The following BRD4 variants were observed in gnomAD, a reference collection of about 807,000 sequenced individuals.
BRD4 encodes bromodomain-containing protein 4.
In BRD4, 16 loss-of-function variants were observed where a neutral mutation model predicts 142.1. That is an observed-to-expected ratio of 0.11 (90% CI 0.08 to 0.17). BRD4 has a LOEUF of 0.17. Ranked by LOEUF, BRD4 falls within the 10% of genes least tolerant of loss-of-function variation. The probability of loss-of-function intolerance (pLI) is 1.00; values close to 1 mark genes in which losing one functional copy is unlikely to be tolerated. For missense variants in BRD4, 1,424 were observed against 1,810.9 expected (o/e 0.79, Z 3.88); for synonymous variants, 833 against 707.5 (o/e 1.18, Z -2.82).
intron 1 of BRD4, among the ~76,000 whole-genome samples, chr19:15,279,085 C>T (rs2047680629): frequency 6.6e-6 from 1 of 152,092 alleles, no homozygotes; most frequent in African/African-American, 2.4e-5. Flanking sequence ...AGATGATCCG[C>T]CCACTTCGGC....
intron 14 of BRD4, 126 bp from the exon 15 acceptor site, chr19:15,240,148 G>A (rs2047227498): frequency 5.8e-6 from 8 of 1,383,674 alleles, no homozygotes; most frequent in Non-Finnish European, 7.7e-6. Context: ...CCTGGGACAA[G>A]GGTCCATTAG....
chr19:15,285,979 T>G (rs565894315), intron 1 of BRD4, among the ~76,000 whole-genome samples: 1 of 152,204 alleles, frequency 6.6e-6, no homozygotes, highest in South Asian at 2.1e-4. Context: ...CCACTGGCCT[T>G]CCCTAGCTCC....
intron 13 of BRD4, among the ~76,000 whole-genome samples, chr19:15,243,913 G>A (rs2047261404): frequency 6.6e-6 from 1 of 152,250 alleles, no homozygotes; most frequent in Admixed American, 6.5e-5. Context: ...GCTGCAGAGG[G>A]GTCCCAGCTT....
rs762817978 is a variant in BRD4 at position 15,237,017 on chromosome 19, T to TAAAAAAAAA, written c.*1351_*1359dup. 6 of 111,358 alleles carry TAAAAAAAAA rather than the reference T, an allele frequency of 5.4e-5. No individual in the cohort carries two copies. Among genetic ancestry groups the TAAAAAAAAA allele is most frequent in the African/African-American group, 1.7e-4 (4 of 23,046 alleles). 6.9% of individuals were successfully genotyped at this position (111,358 alleles called of 1,614,324 possible). A position where few individuals can be genotyped will look rare whatever the true frequency, so the allele number is the denominator to read the frequency against. Reference sequence around the variant, plus strand: ...CACCAGGGGCTCCAATTATAAAAATTAAAAAAAAAAAAAAAAAAAAGCATG... The same window carrying TAAAAAAAAA: ...CACCAGGGGCTCCAATTATAAAAATTAAAAAAAAAAAAAAAAAAAAAAAAAAAAAGCATG... On this transcript the variant is annotated 3_prime_UTR_variant, in exon 20 of 20. Transcript: ENST00000679869.
At chr19:15,267,344 C>A in intron 4 of BRD4, 72 bp downstream of exon 4, 1 of 1,563,586 alleles carries the variant, frequency 6.4e-7, no homozygotes. Flanking sequence ...CCACTCCCAG[C>A]CCCCCACCAA....
intron 1 of BRD4, among the ~76,000 whole-genome samples, chr19:15,275,437 A>G (rs1347610875): frequency 1.3e-5 from 2 of 152,176 alleles, no homozygotes; most frequent in Non-Finnish European, 2.9e-5. Flanking sequence ...AGAGTGGCCC[A>G]AAACCTGGCA....
intron 1 of BRD4, among the ~76,000 whole-genome samples, chr19:15,273,689 G>A (rs1173773559): frequency 2.0e-5 from 3 of 152,174 alleles, no homozygotes; most frequent in African/African-American, 7.2e-5. Context: ...CAAGTGCTCA[G>A]GGCAAAGCCA....
At chr19:15,242,329 A>G (rs1318555841) in intron 14 of BRD4, among the ~76,000 whole-genome samples, 1 of 152,180 alleles carries the variant, frequency 6.6e-6, no homozygotes, top group Non-Finnish European at 1.5e-5. Flanking sequence ...CTGACACTTA[A>G]GCGCCCAGGA....
intron 1 of BRD4, among the ~76,000 whole-genome samples, chr19:15,317,165 G>A (rs543942310): frequency 6.6e-6 from 1 of 152,338 alleles, no homozygotes; most frequent in East Asian, 1.9e-4. Context: ...CCCTGCCCAA[G>A]TGACAGCTCT....
chr19:15,282,838 GAC>G (rs967210843), intron 1 of BRD4, among the ~76,000 whole-genome samples: 3 of 152,130 alleles, frequency 2.0e-5, no homozygotes, highest in African/African-American at 4.8e-5. Flanking sequence ...TGGAAGTGCT[GAC>G]ACACACAGTC....
chr19:15,330,807 T>C (rs1029661111), intron 1 of BRD4, among the ~76,000 whole-genome samples: 1 of 152,186 alleles, frequency 6.6e-6, no homozygotes, highest in Non-Finnish European at 1.5e-5. Flanking sequence ...AAACAGATTG[T>C]GCCATCAAAA....
intron 1 of BRD4, among the ~76,000 whole-genome samples, chr19:15,319,070 C>T (rs1011801290): frequency 6.6e-6 from 1 of 152,190 alleles, no homozygotes; most frequent in Non-Finnish European, 1.5e-5. Context: ...CAGTGGCTCA[C>T]CTGTGTAATC....
At chr19:15,303,667 C>G (rs556124728) in intron 1 of BRD4, among the ~76,000 whole-genome samples, 2 of 152,276 alleles carry the variant, frequency 1.3e-5, no homozygotes, top group Non-Finnish European at 2.9e-5. Context: ...ACAATTAGCC[C>G]ACAGAGTTAC....
At chr19:15,258,688 C>T (rs1369226317) in intron 7 of BRD4, among the ~76,000 whole-genome samples, 1 of 152,128 alleles carries the variant, frequency 6.6e-6, no homozygotes, top group Non-Finnish European at 1.5e-5. Context: ...TGGCTCACTA[C>T]AGCCTCATCC....
At chr19:15,286,145 G>T (rs1350539908) in intron 1 of BRD4, among the ~76,000 whole-genome samples, 1 of 152,172 alleles carries the variant, frequency 6.6e-6, no homozygotes, top group Non-Finnish European at 1.5e-5. Context: ...AAGGCCAAAA[G>T]CCAGACAAAG....
At chr19:15,245,007 C>T (rs2145518960) in intron 11 of BRD4, 1 of 674,192 alleles carries the variant, frequency 1.5e-6, no homozygotes, top group South Asian at 2.0e-5. Context: ...GCCTCCCCTG[C>T]CAAGCTTCAG....
Position 15,238,459 on chromosome 19 carries a change from G to T in BRD4, c.4021-14C>A. ...GGTAGCTGCCATCTGGAGGAGAAAG[G>T]AAGGAGGGAGTCAGGAGGATGACCT... On this transcript the variant is annotated splice_polypyrimidine_tract_variant and intron_variant, in intron 19 of 19. Transcript: ENST00000679869. The surrounding 1 kb of genome is among the most constrained non-coding windows in gnomAD (Gnocchi z 7.2). 1 of 1,614,034 alleles carries T rather than the reference G, an allele frequency of 6.2e-7. No individual in the cohort carries two copies. The highest frequency in any genetic ancestry group is 8.5e-7 in the Non-Finnish European group (1 of 1,179,958).
At chr19:15,315,729 G>A (rs750677242) in intron 1 of BRD4, among the ~76,000 whole-genome samples, 2 of 152,032 alleles carry the variant, frequency 1.3e-5, no homozygotes, top group Admixed American at 6.6e-5. Context: ...GGTGGCCGGC[G>A]CCTGTAGTCC....
At chr19:15,244,920 G>A (rs2047272433) in intron 11 of BRD4, 158 bp from the exon 12 acceptor site, 30 of 1,281,362 alleles carry the variant, frequency 2.3e-5, no homozygotes, top group East Asian at 5.0e-5. Flanking sequence ...TGGTCATCAC[G>A]GGAGAGGGAG....
Sources: gnomAD v4.1 joint callset for allele counts (sites outside exome capture counted in the v4.1 genomes callset) on GRCh38, gnomAD v4.1.1 for gene constraint, Gnocchi (gnomAD v3.1) non-coding constraint, MANE v1.5 for transcripts, NCBI Gene and HGNC (gene_info 2026-07-23, HGNC 2026-07-21) for gene names.